CHRM2: variants seen among roughly 807,000 people sequenced by gnomAD.
The protein encoded by CHRM2 is muscarinic acetylcholine receptor M2.
Under a neutral mutation model 25.0 loss-of-function variants are expected in CHRM2, and 8 were observed. The observed-to-expected ratio is 0.32, with a 90% confidence interval of 0.19 to 0.58. The LOEUF (loss-of-function observed/expected upper bound fraction) is 0.58. Ranked by LOEUF, CHRM2 falls within the 20% of genes least tolerant of loss-of-function variation. The pLI is 0.88. For missense variants in CHRM2, 440 were observed against 567.1 expected, an observed-to-expected ratio of 0.78 and a Z score of 2.28; for synonymous variants, 202 against 205.7, an observed-to-expected ratio of 0.98 and a Z score of 0.15.
At chr7:136,958,462 T>C (rs1800858813) in intron 2 of CHRM2, among the ~76,000 whole-genome samples, 1 of 149,658 alleles carries the variant, frequency 6.7e-6, no homozygotes, top group South Asian at 2.1e-4. Context: ...TTTTTTTTTT[T>C]TTTTTTTTTC....
chr7:136,945,434 A>G (rs1235174051), intron 2 of CHRM2, among the ~76,000 whole-genome samples: 1 of 151,896 alleles, frequency 6.6e-6, no homozygotes, highest in African/African-American at 2.4e-5. Flanking sequence ...ATCCAGTTTC[A>G]TTTTTCCACA....
chr7:136,872,850 C>T (rs1399612636), intron 2 of CHRM2, among the ~76,000 whole-genome samples: 1 of 152,168 alleles, frequency 6.6e-6, no homozygotes, highest in Non-Finnish European at 1.5e-5. Context: ...AATAATCGTG[C>T]TGGATTCAAC....
intron 3 of CHRM2, among the ~76,000 whole-genome samples, chr7:137,010,355 A>G (rs953855043): frequency 6.6e-6 from 1 of 152,060 alleles, no homozygotes; most frequent in Non-Finnish European, 1.5e-5. Flanking sequence ...CTAGGCAGTA[A>G]AATACCAAAT....
intron 2 of CHRM2, among the ~76,000 whole-genome samples, chr7:136,874,079 C>CATAAGAACACAT (rs1795952857): frequency 6.6e-6 from 1 of 152,178 alleles, no homozygotes; most frequent in African/African-American, 2.4e-5. Context: ...CACAGCTAAC[C>CATAAGAACACAT]AAGAACTGCA....
Position 136,913,438 on chromosome 7 carries a change from C to T in CHRM2, c.-125+44020C>T, listed in dbSNP as rs142082693. On this transcript the variant is annotated intron_variant, in intron 2 of 3. Transcript: ENST00000680005. ...CAGTTTCTAGAGGAGATCTCTATAACACATTCCTCTAGTTTTGAGGAGATA... is the reference window on the plus strand; with the variant it reads ...CAGTTTCTAGAGGAGATCTCTATAATACATTCCTCTAGTTTTGAGGAGATA... 9.2e-5 allele frequency among the ~76,000 whole-genome samples: 14 copies of T among 152,008 alleles called. No individual in the cohort carries two copies. In the East Asian group the frequency reaches 2.7e-3, roughly 30 times the overall value.
At chr7:136,987,464 A>T (rs928089339) in intron 2 of CHRM2, among the ~76,000 whole-genome samples, 5 of 152,184 alleles carry the variant, frequency 3.3e-5, no homozygotes, top group Admixed American at 2.0e-4. Flanking sequence ...TCTAGAGAAA[A>T]TTTCTGTCAA....
chr7:136,964,525 G>A (rs1021655554), intron 2 of CHRM2, among the ~76,000 whole-genome samples: 13 of 152,106 alleles, frequency 8.5e-5, no homozygotes, highest in African/African-American at 2.2e-4. Flanking sequence ...AAAATATTAC[G>A]AGACCAGTCA....
chr7:136,905,606 T>C (rs986017226), intron 2 of CHRM2, among the ~76,000 whole-genome samples: 5 of 151,770 alleles, frequency 3.3e-5, no homozygotes, highest in African/African-American at 1.2e-4. Flanking sequence ...GAATTTGTCA[T>C]CATTTTAAAC....
chr7:136,955,963 T>A (rs1357622272), intron 2 of CHRM2, among the ~76,000 whole-genome samples: 2 of 152,180 alleles, frequency 1.3e-5, no homozygotes, highest in Non-Finnish European at 2.9e-5. Flanking sequence ...TTTATTCTAC[T>A]TGAATAAATG....
At chr7:136,997,523 G>A in intron 3 of CHRM2, among the ~76,000 whole-genome samples, 1 of 152,142 alleles carries the variant, frequency 6.6e-6, no homozygotes, top group South Asian at 2.1e-4. Flanking sequence ...GCAGATGAAG[G>A]TTTCAAAGCA....
chr7:136,971,769 CTT>C (rs1403201021), intron 2 of CHRM2, among the ~76,000 whole-genome samples: 2 of 151,788 alleles, frequency 1.3e-5, no homozygotes, highest in Admixed American at 1.3e-4. Context: ...TGATTCTGAT[CTT>C]TCTTTCAAGA....
chr7:136,891,169 A>C (rs2130560962), intron 2 of CHRM2, among the ~76,000 whole-genome samples: 1 of 152,320 alleles, frequency 6.6e-6, no homozygotes, highest in African/African-American at 2.4e-5. Context: ...GACACAACAA[A>C]CCAATACTGA....
intron 2 of CHRM2, among the ~76,000 whole-genome samples, chr7:136,925,664 A>G (rs1366054638): frequency 6.6e-6 from 1 of 152,164 alleles, no homozygotes; most frequent in African/African-American, 2.4e-5. Flanking sequence ...GTAGTGGGAA[A>G]CTAATCCCTG....
At chr7:136,925,369 C>T (rs556437634) in intron 2 of CHRM2, among the ~76,000 whole-genome samples, 1 of 152,096 alleles carries the variant, frequency 6.6e-6, no homozygotes, top group African/African-American at 2.4e-5. Flanking sequence ...GTGTTATCAA[C>T]CCCATATTTC....
chr7:136,885,265 C>G (rs1043382529), intron 2 of CHRM2, among the ~76,000 whole-genome samples: 2 of 152,220 alleles, frequency 1.3e-5, no homozygotes, highest in Non-Finnish European at 2.9e-5. Flanking sequence ...TGGTCTGTGA[C>G]AACCCCAAAG....
At chr7:136,986,001 TCTTC>T (rs1171382009) in intron 2 of CHRM2, among the ~76,000 whole-genome samples, 3 of 152,180 alleles carry the variant, frequency 2.0e-5, no homozygotes, top group Non-Finnish European at 2.9e-5. Context: ...TAATGACAGC[TCTTC>T]CTTGTTCTTT....
chr7:136,953,385 C>T (rs928295963), intron 2 of CHRM2, among the ~76,000 whole-genome samples: 3 of 152,048 alleles, frequency 2.0e-5, no homozygotes, highest in African/African-American at 4.8e-5. Flanking sequence ...ATTACCAAAA[C>T]GCTATTAAGT....
intron 2 of CHRM2, among the ~76,000 whole-genome samples, chr7:136,934,218 TC>T (rs1799280525): frequency 1.3e-5 from 2 of 152,196 alleles, no homozygotes; most frequent in East Asian, 3.8e-4. Flanking sequence ...ATTTTTCTAG[TC>T]ACCAAAGCTT....
intron 2 of CHRM2, among the ~76,000 whole-genome samples, chr7:136,889,125 G>A (rs1254241167): frequency 6.9e-6 from 1 of 144,684 alleles, no homozygotes; most frequent in Non-Finnish European, 1.5e-5. Context: ...AGCTCAATTT[G>A]TACTGTCTCC....
Sources: allele counts gnomAD v4.1 joint callset (sites outside exome capture counted in the v4.1 genomes callset), GRCh38; gene constraint gnomAD v4.1.1; transcripts MANE v1.5; gene names NCBI Gene and HGNC (gene_info 2026-07-23, HGNC 2026-07-21).